Variants in NME7 observed in about 807,000 individuals in gnomAD.
NME7 encodes the protein NME/NM23 family member 7, also known as nucleoside diphosphate kinase 7.
A neutral mutation model predicts 49.1 loss-of-function variants in NME7; 41 were observed. The ratio of observed to expected loss-of-function variants is 0.83; its 90% CI spans 0.65 to 1.08. The LOEUF (loss-of-function observed/expected upper bound fraction) is 1.08. Ranked by LOEUF, NME7 falls within the 50% of genes least tolerant of loss-of-function variation. The pLI, the probability that NME7 is intolerant of heterozygous loss-of-function variation, is 0.00. For synonymous variants in NME7, 139 were observed against 150.6 expected (o/e 0.92, Z 0.56); for missense variants, 423 against 463.4 (o/e 0.91, Z 0.80).
At chr1:169,357,894 G>C (rs1653516244) in intron 1 of NME7, among the ~76,000 whole-genome samples, 2 of 151,886 alleles carry the variant, frequency 1.3e-5, no homozygotes, top group South Asian at 4.1e-4. Context: ...AGATATTCAG[G>C]GATCTCACAC....
chr1:169,183,212 C>A (rs1477449173), intron 10 of NME7, among the ~76,000 whole-genome samples: 2 of 152,178 alleles, frequency 1.3e-5, no homozygotes, highest in East Asian at 3.8e-4. Flanking sequence ...AATGACTTTT[C>A]CAGTTGAGAT....
intron 10 of NME7, among the ~76,000 whole-genome samples, chr1:169,227,414 T>C (rs1647394351): frequency 2.6e-5 from 4 of 152,232 alleles, no homozygotes; most frequent in Admixed American, 2.6e-4. Context: ...TTAGTCCATT[T>C]TCTTTTGCTA....
At chr1:169,162,307 A>C (rs1659274066) in intron 11 of NME7, among the ~76,000 whole-genome samples, 1 of 152,184 alleles carries the variant, frequency 6.6e-6, no homozygotes, top group Non-Finnish European at 1.5e-5. Flanking sequence ...CCCGTTGGGC[A>C]ATTAAACTTA....
At chr1:169,143,355 A>G (rs756375741) in intron 11 of NME7, among the ~76,000 whole-genome samples, 1 of 137,432 alleles carries the variant, frequency 7.3e-6, no homozygotes, top group Non-Finnish European at 1.5e-5. Flanking sequence ...TAAGGGCTTT[A>G]GCAAGTGCTA....
chr1:169,163,617 T>C (rs2101836555), intron 11 of NME7, among the ~76,000 whole-genome samples: 1 of 152,262 alleles, frequency 6.6e-6, no homozygotes, highest in Middle Eastern at 3.4e-3. Context: ...GATTAGATGG[T>C]AGTAATAAAT....
At chr1:169,331,052 GC>G (rs1365813846) in intron 1 of NME7, among the ~76,000 whole-genome samples, 1 of 152,106 alleles carries the variant, frequency 6.6e-6, no homozygotes, top group African/African-American at 2.4e-5. Flanking sequence ...AAATATTGAT[GC>G]AAAACTTGTC....
At chr1:169,208,241 A>G (rs191501141) in intron 10 of NME7, among the ~76,000 whole-genome samples, 14 of 152,302 alleles carry the variant, frequency 9.2e-5, no homozygotes, top group Admixed American at 2.0e-4. Flanking sequence ...CTTTTCTTCA[A>G]CTAGGACATA....
chr1:169,215,741 T>C (rs1029149516), intron 10 of NME7, among the ~76,000 whole-genome samples: 1 of 152,116 alleles, frequency 6.6e-6, no homozygotes, highest in Non-Finnish European at 1.5e-5. Context: ...TTAAAGAAAA[T>C]GTGGTATACA....
chr1:169,303,085 T>C, intron 5 of NME7, 60 bp downstream of exon 5: 1 of 1,131,310 alleles, frequency 8.8e-7, no homozygotes, highest in Non-Finnish European at 1.3e-6. Flanking sequence ...CAAATGTAAC[T>C]CCATAGTTTT....
chr1:169,332,066 A>G (rs1311628021), intron 1 of NME7, among the ~76,000 whole-genome samples: 1 of 152,204 alleles, frequency 6.6e-6, no homozygotes, highest in African/African-American at 2.4e-5. Flanking sequence ...CTGACTTCAA[A>G]TTATACTACA....
intron 11 of NME7, among the ~76,000 whole-genome samples, chr1:169,147,647 C>A (rs1053511151): frequency 2.6e-5 from 4 of 152,132 alleles, no homozygotes; most frequent in Non-Finnish European, 5.9e-5. Flanking sequence ...AGAGTTAATG[C>A]AAATAAATTT....
In NME7 at chr1:169,217,624, C is replaced by T. The variant is rs187400846; in HGVS notation, c.990+13094G>A. On this transcript the variant is annotated intron_variant, in intron 10 of 11. Coordinates refer to ENST00000367811, the MANE Select transcript of NME7 (RefSeq NM_013330.5). ...TGTAAAATCTGTTCTATTTGCAGCC[C>T]CCCTTCCATTGTATTCCTTTAGTCT... is the stretch of plus-strand genomic sequence containing the variant. Among the ~76,000 whole-genome samples the T allele has an allele frequency of 1.0e-3, 154 of 152,170 alleles. 1 individual carries two copies. Among genetic ancestry groups the T allele is most frequent in the African/African-American group, 3.5e-3 (145 of 41,508 alleles).
intron 10 of NME7, among the ~76,000 whole-genome samples, chr1:169,221,195 C>T (rs747612422): frequency 6.6e-6 from 1 of 152,206 alleles, no homozygotes; most frequent in Non-Finnish European, 1.5e-5. Context: ...TTACCACCAT[C>T]CTGGTCCAAC....
chr1:169,311,147 G>A (rs969778391), intron 3 of NME7, among the ~76,000 whole-genome samples: 4 of 151,962 alleles, frequency 2.6e-5, no homozygotes, highest in Non-Finnish European at 4.4e-5. Flanking sequence ...GGCCGGGCGC[G>A]GTGGCTCACG....
Position 169,342,947 on chromosome 1 carries a change from GTATTAGTA to G in NME7, c.4-18455_4-18448del, listed in dbSNP as rs1652823284. Among the ~76,000 whole-genome samples the G allele has an allele frequency of 4.0e-3, 108 of 27,118 alleles. 23 individuals carry two copies. The highest frequency in any genetic ancestry group is 8.0e-3 in the Admixed American group (16 of 1,988). 17.8% of individuals were successfully genotyped at this position (27,118 alleles called of 152,430 possible). A position where few individuals can be genotyped will look rare whatever the true frequency, so the allele number is the denominator to read the frequency against. ...TATATACAAGTACATATATATACTT[GTATTAGTA>G]TATATATATATATATACAAGTACAT... On this transcript the variant is annotated intron_variant, in intron 1 of 11. Transcript: ENST00000367811.
chr1:169,261,316 A>C (rs1427775474), intron 7 of NME7, among the ~76,000 whole-genome samples: 2 of 134,070 alleles, frequency 1.5e-5, no homozygotes, highest in African/African-American at 5.1e-5. Context: ...ATTTCTTTCC[A>C]TGAAACTGGG....
intron 7 of NME7, among the ~76,000 whole-genome samples, chr1:169,282,655 T>C (rs1650073373): frequency 6.6e-6 from 1 of 152,214 alleles, no homozygotes; most frequent in Non-Finnish European, 1.5e-5. Flanking sequence ...TGTATCTTCG[T>C]TCTCATTGGT....
intron 6 of NME7, among the ~76,000 whole-genome samples, chr1:169,287,663 A>G (rs1405531080): frequency 6.6e-6 from 1 of 152,198 alleles, no homozygotes; most frequent in Non-Finnish European, 1.5e-5. Context: ...TGTTCCAGGA[A>G]TATAGTGGAC....
chr1:169,342,971 ACAAG>A (rs1652827260), intron 1 of NME7, among the ~76,000 whole-genome samples: 1 of 100,030 alleles, frequency 1.0e-5, no homozygotes, highest in Non-Finnish European at 2.3e-5. Context: ...ATATATATAT[ACAAG>A]TACATATATA....
Sources: gnomAD v4.1 joint callset for allele counts (sites outside exome capture counted in the v4.1 genomes callset) on GRCh38, gnomAD v4.1.1 for gene constraint, MANE v1.5 for transcripts, NCBI Gene and HGNC (gene_info 2026-07-23, HGNC 2026-07-21) for gene names.